Variants in DNAH17 observed in about 807,000 individuals in gnomAD.
DNAH17 encodes the protein axonemal beta dynein heavy chain 17.
DNAH17 carries 376 observed loss-of-function variants against 485.6 expected under a neutral mutation model. The observed-to-expected ratio is 0.77, with a 90% confidence interval of 0.71 to 0.84. The LOEUF is 0.84. Among genes scored for constraint, DNAH17 ranks in the 40% least tolerant of loss-of-function variants. The probability of loss-of-function intolerance (pLI) is 0.00; values close to 1 mark genes in which losing one functional copy is unlikely to be tolerated. For missense variants in DNAH17, 6,370 were observed against 5,839.3 expected (o/e 1.09, Z -2.96); for synonymous variants, 3,031 against 2,405.9 (o/e 1.26, Z -7.60).
chr17:78,531,297 C>A (rs1057096399), intron 20 of DNAH17, among the ~76,000 whole-genome samples: 1 of 150,102 alleles, frequency 6.7e-6, no homozygotes, highest in African/African-American at 2.5e-5. Flanking sequence ...ACATAGTGAC[C>A]TTCTTGGTCT....
rs114760442 is a variant in DNAH17, at chr17:78,431,455, A to G, written c.12226-2155T>C. The stretch of plus-strand genomic sequence containing the variant: ...CCCGTACCTGCTGAGGGAACCCCCC[A>G]CCCCGAGACTCCTGGGGGAGCTGTA... On this transcript the variant is annotated intron_variant, in intron 75 of 80. Transcript: ENST00000389840. Among the ~76,000 whole-genome samples the G allele has an allele frequency of 3.6e-4, 53 of 146,806 alleles. 1 individual carries two copies. Among genetic ancestry groups the G allele is most frequent in the South Asian group, 6.5e-4 (3 of 4,612 alleles).
At chr17:78,449,608 A>G in intron 68 of DNAH17, 24 bp from the exon 69 acceptor site, 2 of 1,588,450 alleles carry the variant, frequency 1.3e-6, no homozygotes, top group Non-Finnish European at 8.6e-7. Context: ...ACCGAGAGCC[A>G]TGGAGGCGTG....
chr17:78,432,517 G>A (rs989656249), intron 75 of DNAH17, among the ~76,000 whole-genome samples: 3 of 152,212 alleles, frequency 2.0e-5, no homozygotes, highest in African/African-American at 7.2e-5. Flanking sequence ...GTGCCTCCCA[G>A]GGAACTAAGC....
intron 16 of DNAH17, among the ~76,000 whole-genome samples, chr17:78,548,177 G>GTTGTTATT (rs1183947693): frequency 7.9e-6 from 1 of 125,956 alleles, no homozygotes; most frequent in African/African-American, 3.0e-5. Flanking sequence ...TTCTCATTCT[G>GTTGTTATT]TTGTTATTTC....
At chr17:78,435,825 A>G (rs538879834) in intron 74 of DNAH17, among the ~76,000 whole-genome samples, 1 of 152,292 alleles carries the variant, frequency 6.6e-6, no homozygotes, top group Admixed American at 6.5e-5. Flanking sequence ...CACTCATCAC[A>G]CTAGGGTGCT....
In DNAH17 at chr17:78,460,321, C is replaced by CGTGCGTGTGT; in HGVS notation, c.9340-65_9340-64insACACACGCAC. 9.2e-6 allele frequency: 8 copies of CGTGCGTGTGT among 872,166 alleles called. No homozygotes were observed. The South Asian group carries it at 1.3e-4, about 15-fold the overall frequency. The allele number at this position is 872,166 out of a possible 1,614,324, so 54.0% of individuals were successfully genotyped here. On this transcript the variant is annotated intron_variant, in intron 58 of 80. Transcript: ENST00000389840. Reference sequence around the variant, plus strand: ...GTCCATGTGCCTGTGGGGGCGTGTACGTGCATGTGTGTGCATGTGTGTGCA... The same window carrying CGTGCGTGTGT: ...GTCCATGTGCCTGTGGGGGCGTGTACGTGCGTGTGTGTGCATGTGTGTGCATGTGTGTGCA...
intron 48 of DNAH17, among the ~76,000 whole-genome samples, chr17:78,482,136 G>A (rs1042115005): frequency 7.3e-6 from 1 of 136,714 alleles, no homozygotes; most frequent in Admixed American, 8.2e-5. Context: ...GGAGTGCAGT[G>A]GTGAACACAG....
At chr17:78,503,334 C>A (rs912381052) in intron 31 of DNAH17, among the ~76,000 whole-genome samples, 7 of 129,242 alleles carry the variant, frequency 5.4e-5, no homozygotes, top group African/African-American at 1.5e-4. Flanking sequence ...CGCCCGCCCC[C>A]ACTCCCGGCA....
intron 54 of DNAH17, among the ~76,000 whole-genome samples, chr17:78,471,010 G>C (rs2088723647): frequency 6.6e-6 from 1 of 152,214 alleles, no homozygotes; most frequent in Admixed American, 6.5e-5. Flanking sequence ...TATATGTTCA[G>C]AAATGCCTGC....
At chr17:78,472,468 A>T (rs1433394158) in intron 54 of DNAH17, among the ~76,000 whole-genome samples, 3 of 152,094 alleles carry the variant, frequency 2.0e-5, no homozygotes, top group African/African-American at 7.2e-5. Flanking sequence ...CATTTGCAGG[A>T]AGCTGGCGGG....
In DNAH17 at chr17:78,437,123, C is replaced by T. The variant is rs867957426; in HGVS notation, c.12033+518G>A. On this transcript the variant is annotated intron_variant, in intron 74 of 80. Transcript: ENST00000389840. ...AGCTAGCTGTGTTTTGCCAGCTGTT[C>T]CTGCTGATGGTGGGTCAGAGGGGGG... 2.6e-4 allele frequency among the ~76,000 whole-genome samples: 39 copies of T among 152,308 alleles called. No homozygotes were observed. In the Middle Eastern group the frequency reaches 0.014, roughly 53 times the overall value.
At position 78,449,456 on chromosome 17, in the gene DNAH17, G is replaced by A. The variant is rs373996385; in HGVS notation, c.11169C>T (p.Phe3723=). 3.2e-5 allele frequency: 49 copies of A among 1,554,112 alleles called. No individual in the cohort carries two copies. The highest frequency in any genetic ancestry group is 3.4e-4 in the Middle Eastern group (2 of 5,958). Residue 3723 remains phenylalanine (F), a synonymous_variant, in exon 69 of 81, where the codon TTC becomes TTT. Transcript: ENST00000389840. ...CCAGGAAAATGAGTTTGTCCCTCTC[G>A]AAGAGTCCCCGGGCCGTGTACATGT... ...SVYMYTARGL[F]ERDKLIFLAQ...
intron 73 of DNAH17, among the ~76,000 whole-genome samples, chr17:78,438,447 GA>G (rs1342557195): frequency 3.3e-5 from 3 of 90,368 alleles, no homozygotes; most frequent in African/African-American, 4.8e-5. Context: ...GAGGAGGAGG[GA>G]GGAGGGAGGA....
chr17:78,508,984 T>TTG (rs1247108479), intron 27 of DNAH17, among the ~76,000 whole-genome samples: 49 of 147,262 alleles, frequency 3.3e-4, no homozygotes, highest in South Asian at 4.3e-4. Context: ...TTTTTTTTTT[T>TTG]GAGATGGAGT....
intron 73 of DNAH17, among the ~76,000 whole-genome samples, chr17:78,438,445 G>GGAGGAGGGA (rs1473139795): frequency 1.3e-4 from 1 of 7,588 alleles, no homozygotes; most frequent in Non-Finnish European, 2.8e-4. Context: ...AGGAGGAGGA[G>GGAGGAGGGA]GGAGGAGGGA....
Position 78,462,288 on chromosome 17 carries a change from G to C in DNAH17, c.9174+556C>G, listed in dbSNP as rs150361293. ...GGGGGGTGGGGGCAGGGGTGCGAAA[G>C]CTCCCCTGGAAGCAAGTGGGAGGTC... is the stretch of plus-strand genomic sequence containing the variant. On this transcript the variant is annotated intron_variant, in intron 57 of 80. Coordinates refer to ENST00000389840, the MANE Select transcript of DNAH17 (RefSeq NM_173628.4). Among the ~76,000 whole-genome samples the C allele has an allele frequency of 9.0e-3, 1,370 of 151,456 alleles. 22 individuals carry two copies. Among genetic ancestry groups the C allele is most frequent in the African/African-American group, 0.031 (1,254 of 41,102 alleles).
chr17:78,543,864 ATGGCT>A lies in DNAH17; in HGVS notation c.2520_2524del (p.Gln840HisfsTer26), dbSNP rs754896185. 1 of 1,614,046 alleles carries A rather than the reference ATGGCT, an allele frequency of 6.2e-7. No individual in the cohort carries two copies. The highest frequency in any genetic ancestry group is 1.7e-5 in the Admixed American group (1 of 60,028). ...TCCTGGGTGTTTCCTTACTGCAACC[ATGGCT>A]TGGATCTTCACTCCAGCATCCCTGA... On this transcript the variant is annotated frameshift_variant, in exon 17 of 81. Transcript: ENST00000389840. LOFTEE classifies it high-confidence loss of function.
chr17:78,546,911 GA>G lies in DNAH17; in HGVS notation c.2392-2915del, dbSNP rs61596687. On this transcript the variant is annotated intron_variant, in intron 16 of 80. Transcript: ENST00000389840. ...CAGAGTAAGACTCCATCTCAAGAAA[GA>G]AAAAAAAAAATTGCTTTTGATTCTC... is the stretch of plus-strand genomic sequence containing the variant. Among the ~76,000 whole-genome samples, 377 of 150,642 alleles carry G rather than the reference GA, an allele frequency of 2.5e-3. 11 individuals are homozygous for G. In the East Asian group the frequency reaches 0.038, roughly 15 times the overall value.
Position 78,526,623 on chromosome 17 carries a change from C to G in DNAH17, c.3711+28G>C, listed in dbSNP as rs373848239. On this transcript the variant is annotated intron_variant, in intron 24 of 80. Transcript: ENST00000389840. ...AAGCAGTGGGGTTCCCAGACTTACC[C>G]CCTGATCTCACCCTTGAGCAAAAAT... is the stretch of plus-strand genomic sequence containing the variant. 159 of 1,561,124 alleles carry G rather than the reference C, an allele frequency of 1.0e-4. No homozygotes were observed. The African/African-American group carries it at 2.0e-3, about 19-fold the overall frequency.
Sources: gnomAD v4.1 joint callset for allele counts (sites outside exome capture counted in the v4.1 genomes callset) on GRCh38, gnomAD v4.1.1 for gene constraint, MANE v1.5 for transcripts, NCBI Gene and HGNC (gene_info 2026-07-23, HGNC 2026-07-21) for gene names.